MAP3K19: variants seen among roughly 807,000 people sequenced by gnomAD.
The protein encoded by MAP3K19 is SPS1/STE20-related protein kinase YSK4.
In MAP3K19, 91 loss-of-function variants were observed where a neutral mutation model predicts 114.4. The ratio of observed to expected loss-of-function variants is 0.80; its 90% CI spans 0.67 to 0.95. The LOEUF is 0.95. Ranked by LOEUF, MAP3K19 falls within the 40% of genes least tolerant of loss-of-function variation. MAP3K19 has a pLI of 0.00. For missense variants in MAP3K19, 1,471 were observed against 1,573.2 expected (o/e 0.94, Z 1.10); for synonymous variants, 518 against 530.5 (o/e 0.98, Z 0.32).
chr2:134,967,148 C>G (rs1324421684), intron 12 of MAP3K19, among the ~76,000 whole-genome samples: 5 of 152,114 alleles, frequency 3.3e-5, no homozygotes, highest in Admixed American at 6.6e-5. Context: ...CAAGATGTTT[C>G]CAAGCAGTAT....
intron 3 of MAP3K19, among the ~76,000 whole-genome samples, chr2:135,026,143 A>C (rs567705889): frequency 6.6e-6 from 1 of 152,330 alleles, no homozygotes; most frequent in Non-Finnish European, 1.5e-5. Context: ...ATATGGCTTT[A>C]AGCAAGCCAC....
chr2:134,973,868 A>T (rs188640875), intron 12 of MAP3K19, among the ~76,000 whole-genome samples: 2 of 152,332 alleles, frequency 1.3e-5, no homozygotes, highest in East Asian at 3.9e-4. Flanking sequence ...TAGGGCCACT[A>T]ATGGTGATGA....
intron 12 of MAP3K19, among the ~76,000 whole-genome samples, chr2:134,979,744 G>A (rs1684496807): frequency 7.0e-6 from 1 of 143,768 alleles, no homozygotes; most frequent in Non-Finnish European, 1.5e-5. Context: ...ATCTAGCAAT[G>A]CCAAAAACTG....
intron 11 of MAP3K19, among the ~76,000 whole-genome samples, chr2:134,982,422 G>A (rs1281650371): frequency 1.3e-5 from 2 of 150,502 alleles, no homozygotes; most frequent in East Asian, 3.9e-4. Context: ...TGTGATCTGG[G>A]CTCACTGCAA....
intron 10 of MAP3K19, 148 bp downstream of exon 10, chr2:134,985,652 C>T (rs571614711): frequency 7.9e-5 from 54 of 682,118 alleles, no homozygotes; most frequent in South Asian, 5.2e-4. Context: ...GACCTGATTT[C>T]CAACCTTGTG....
chr2:134,967,878 TA>T (rs1251184456), intron 12 of MAP3K19, among the ~76,000 whole-genome samples: 1 of 151,896 alleles, frequency 6.6e-6, no homozygotes, highest in Non-Finnish European at 1.5e-5. Context: ...TTTTATTTTT[TA>T]TTGATCATTC....
Position 134,986,053 on chromosome 2 carries a change from T to G in MAP3K19, c.2819A>C (p.Gln940Pro). 6.2e-7 allele frequency: 1 copy of G among 1,614,004 alleles called. No individual in the cohort carries two copies. The highest frequency in any genetic ancestry group is 8.5e-7 in the Non-Finnish European group (1 of 1,179,974). Residue 940 changes from glutamine to proline, a missense_variant, in exon 10 of 13, where the codon CAA (glutamine) becomes CCA (proline). Physicochemically the swap from Gln to Pro is moderately conservative, Grantham distance 76. Transcript: ENST00000392915. ...DSLANKSITY[Q>P]MFGKTLSGTN... The stretch of plus-strand genomic sequence containing the variant: ...GCCACTTAAGGTTTTTCCAAACATT[T>G]GATATGTGATTGACTTATTTGCTAA...
Position 134,980,959 on chromosome 2 carries a change from G to A in MAP3K19, c.3782C>T (p.Ala1261Val), listed in dbSNP as rs750628129. Residue 1261 changes from alanine (A) to valine (V), a missense_variant, in exon 12 of 13, where the codon GCT (alanine) becomes GTT (valine). Coordinates refer to ENST00000392915, the MANE Select transcript of MAP3K19 (RefSeq NM_025052.5). ...WSIGCTVFEMATGKPPLASMD... is the reference protein window; with the variant it reads ...WSIGCTVFEMVTGKPPLASMD... The stretch of plus-strand genomic sequence containing the variant: ...GGAAGCCAGTGGAGGCTTCCCTGTA[G>A]CCATCTCAAACACAGTACAACCAAT... The A allele has an allele frequency of 6.2e-7, 1 of 1,614,176 alleles. No individual in the cohort carries two copies. Among genetic ancestry groups the A allele is most frequent in the African/African-American group, 1.3e-5 (1 of 75,026 alleles).
At chr2:134,976,753 A>C (rs921176754) in intron 12 of MAP3K19, among the ~76,000 whole-genome samples, 29 of 152,184 alleles carry the variant, frequency 1.9e-4, no homozygotes, top group African/African-American at 6.5e-4. Flanking sequence ...AAAGTAAAAA[A>C]AAAAAAAATA....
At chr2:135,036,635 TTATGTGTGTGTG>T (rs1462633508) in intron 2 of MAP3K19, among the ~76,000 whole-genome samples, 3 of 126,428 alleles carry the variant, frequency 2.4e-5, no homozygotes, top group African/African-American at 1.0e-4. Flanking sequence ...GAGTTCAACA[TTATGTGTGTGTG>T]TGTGTGTGTG....
intron 3 of MAP3K19, among the ~76,000 whole-genome samples, chr2:135,025,091 T>C (rs902506796): frequency 6.6e-6 from 1 of 152,100 alleles, no homozygotes; most frequent in African/African-American, 2.4e-5. Context: ...TTTAAATTTT[T>C]TTCAATGAGT....
intron 12 of MAP3K19, among the ~76,000 whole-genome samples, chr2:134,976,029 G>GGGT (rs1308060984): frequency 6.6e-6 from 1 of 152,158 alleles, no homozygotes; most frequent in African/African-American, 2.4e-5. Flanking sequence ...GTTGTTTCTG[G>GGGT]GGTGCAGGAC....
chr2:134,979,163 G>A (rs1227459610), intron 12 of MAP3K19, among the ~76,000 whole-genome samples: 1 of 152,088 alleles, frequency 6.6e-6, no homozygotes, highest in African/African-American at 2.4e-5. Flanking sequence ...AGGGTCCTCA[G>A]GGTCTTTGCC....
intron 10 of MAP3K19, 48 bp downstream of exon 10, chr2:134,985,746 TTGTCTC>T (rs1685045516): frequency 1.4e-6 from 2 of 1,439,954 alleles, no homozygotes; most frequent in Middle Eastern, 1.8e-4. Flanking sequence ...TTGAACCAGA[TTGTCTC>T]TGAGGTCCTT....
At chr2:134,980,746 T>A (rs1573931588) in intron 12 of MAP3K19, 75 bp downstream of exon 12, 1 of 1,374,962 alleles carries the variant, frequency 7.3e-7, no homozygotes, top group East Asian at 2.4e-5. Context: ...TAATGGGCCA[T>A]AAATTGAAAG....
chr2:134,968,013 G>T (rs751798821), intron 12 of MAP3K19, among the ~76,000 whole-genome samples: 22 of 152,086 alleles, frequency 1.4e-4, no homozygotes, highest in Non-Finnish European at 3.1e-4. Context: ...GCGGCCTTCC[G>T]CAGTGTTTGT....
At chr2:134,977,273 C>G (rs1297643768) in intron 12 of MAP3K19, among the ~76,000 whole-genome samples, 9 of 151,344 alleles carry the variant, frequency 5.9e-5, no homozygotes, top group African/African-American at 2.2e-4. Flanking sequence ...TCTCAACCTT[C>G]CAGGCTCAAG....
chr2:135,032,542 A>C (rs1242590881), intron 2 of MAP3K19, among the ~76,000 whole-genome samples: 1 of 151,346 alleles, frequency 6.6e-6, no homozygotes, highest in Non-Finnish European at 1.5e-5. Context: ...GATGAAAAGA[A>C]CCATTTTCTG....
At chr2:135,008,211 C>T (rs1177819424) in intron 5 of MAP3K19, among the ~76,000 whole-genome samples, 4 of 152,034 alleles carry the variant, frequency 2.6e-5, no homozygotes, top group Admixed American at 6.6e-5. Context: ...CAACCTCCAC[C>T]TCCCGGGTTC....
Sources: allele counts gnomAD v4.1 joint callset (sites outside exome capture counted in the v4.1 genomes callset), GRCh38; gene constraint gnomAD v4.1.1; transcripts MANE v1.5; gene names NCBI Gene and HGNC (gene_info 2026-07-23, HGNC 2026-07-21).